CTNNA1: variants seen among roughly 807,000 people sequenced by gnomAD.
CTNNA1 encodes the protein catenin alpha 1, also known as catenin alpha-1.
A neutral mutation model predicts 98.4 loss-of-function variants in CTNNA1; 37 were observed. That is an observed-to-expected ratio of 0.38 (90% CI 0.29 to 0.49). The LOEUF is 0.49. Ranked by LOEUF, CTNNA1 falls within the 20% of genes least tolerant of loss-of-function variation. The pLI is 0.95. For synonymous variants in CTNNA1, 404 were observed against 413.2 expected (o/e 0.98, Z 0.27); for missense variants, 761 against 1,147.2 (o/e 0.66, Z 4.86).
chr5:138,776,185 C>G (rs1462606446), intron 1 of CTNNA1, among the ~76,000 whole-genome samples: 2 of 151,582 alleles, frequency 1.3e-5, no homozygotes, highest in Non-Finnish European at 2.9e-5. Context: ...TGCAGAGGAC[C>G]CTGCGGCCTT....
At chr5:138,779,121 C>G (rs1754750986) in intron 1 of CTNNA1, among the ~76,000 whole-genome samples, 1 of 152,128 alleles carries the variant, frequency 6.6e-6, no homozygotes, top group Admixed American at 6.6e-5. Flanking sequence ...TCAGGTGATC[C>G]ACCCACTTTG....
chr5:138,814,269 A>G (rs1171866358), intron 5 of CTNNA1, among the ~76,000 whole-genome samples: 1 of 145,204 alleles, frequency 6.9e-6, no homozygotes, highest in Non-Finnish European at 1.5e-5. Flanking sequence ...TTTTTTTGAG[A>G]TGGAGTTTCG....
intron 7 of CTNNA1, among the ~76,000 whole-genome samples, chr5:138,857,412 GCCA>G (rs1763821949): frequency 6.6e-6 from 1 of 152,072 alleles, no homozygotes; most frequent in South Asian, 2.1e-4. Flanking sequence ...TCTGTACCCA[GCCA>G]TATTGAAATC....
intron 5 of CTNNA1, among the ~76,000 whole-genome samples, chr5:138,821,395 CTTAT>C (rs1372538609): frequency 6.6e-6 from 1 of 152,134 alleles, no homozygotes; most frequent in African/African-American, 2.4e-5. Context: ...TGTAATGCTT[CTTAT>C]TTATTACCTA....
At position 138,907,979 on chromosome 5, in the gene CTNNA1, T is replaced by C. The variant is rs529717358; in HGVS notation, c.1389+3538T>C. 7.5e-5 allele frequency among the ~76,000 whole-genome samples: 11 copies of C among 146,060 alleles called. No homozygotes were observed. In the South Asian group the frequency reaches 1.5e-3, roughly 20 times the overall value. The stretch of plus-strand genomic sequence containing the variant: ...TGCCCCCCATCCGCCCTTTTTTTTT[T>C]CTTCTTCTTCTTCTTCGAGACAGAG... On this transcript the variant is annotated intron_variant, in intron 10 of 17. Transcript: ENST00000302763.
chr5:138,929,447 G>C, intron 14 of CTNNA1, 91 bp downstream of exon 14: 1 of 682,994 alleles, frequency 1.5e-6, no homozygotes, highest in Non-Finnish European at 2.6e-6. Context: ...TCAGTATTCA[G>C]AACACCGTTT....
At chr5:138,928,798 G>A (rs1284597700) in intron 13 of CTNNA1, among the ~76,000 whole-genome samples, 2 of 152,202 alleles carry the variant, frequency 1.3e-5, no homozygotes, top group East Asian at 3.9e-4. Flanking sequence ...GCCGGGCATG[G>A]TGGCATGTTG....
At chr5:138,801,282 A>G (rs1358318258) in intron 3 of CTNNA1, among the ~76,000 whole-genome samples, 1 of 152,214 alleles carries the variant, frequency 6.6e-6, no homozygotes, top group East Asian at 1.9e-4. Context: ...GTTTGTGTGC[A>G]TAAGTTTTGA....
chr5:138,804,091 T>G (rs13173618), intron 3 of CTNNA1, among the ~76,000 whole-genome samples: 31,148 of 152,196 alleles, frequency 0.2, 3,966 homozygotes, highest in Non-Finnish European at 0.29. Flanking sequence ...TCCTAGTGCT[T>G]GCTGCAAGGC....
intron 3 of CTNNA1, among the ~76,000 whole-genome samples, chr5:138,805,448 C>T (rs1757992757): frequency 6.6e-6 from 1 of 152,080 alleles, no homozygotes; most frequent in Non-Finnish European, 1.5e-5. Context: ...TTATAGCCAT[C>T]CTAACTAAGT....
chr5:138,932,067 TC>T (rs1765470968), intron 16 of CTNNA1: 1 of 985,754 alleles, frequency 1.0e-6, no homozygotes, highest in Non-Finnish European at 1.2e-6. Flanking sequence ...TCACTTGTCT[TC>T]CACCTCAGCC....
chr5:138,785,499 A>ACAAT (rs1465834019), intron 3 of CTNNA1, among the ~76,000 whole-genome samples: 1 of 129,186 alleles, frequency 7.7e-6, no homozygotes, highest in African/African-American at 3.0e-5. Flanking sequence ...AACGAAACTC[A>ACAAT]CAATCATATT....
intron 7 of CTNNA1, among the ~76,000 whole-genome samples, chr5:138,864,693 C>T (rs763929979): frequency 9.9e-5 from 15 of 152,218 alleles, no homozygotes; most frequent in African/African-American, 4.8e-5. Flanking sequence ...CAGTTATGTT[C>T]GATTGCTCTC....
chr5:138,922,800 G>A (rs555582804), intron 11 of CTNNA1, among the ~76,000 whole-genome samples: 5 of 152,242 alleles, frequency 3.3e-5, no homozygotes, highest in South Asian at 2.1e-4. Flanking sequence ...AGTGTTTCAT[G>A]AGGGTAGAGA....
intron 1 of CTNNA1, among the ~76,000 whole-genome samples, chr5:138,767,521 G>A (rs1440299853): frequency 6.6e-6 from 1 of 152,050 alleles, no homozygotes; most frequent in African/African-American, 2.4e-5. Flanking sequence ...GACTATTTGG[G>A]GACCGTCTTT....
chr5:138,835,812 G>A (rs1039788), intron 7 of CTNNA1, among the ~76,000 whole-genome samples: 105,040 of 151,904 alleles, frequency 0.69, 36,464 homozygotes, highest in East Asian at 0.93. Context: ...ATACAATACA[G>A]TGCTATTGAC....
chr5:138,888,547 GTTTTT>G (rs1462373610), intron 9 of CTNNA1, among the ~76,000 whole-genome samples: 1 of 151,938 alleles, frequency 6.6e-6, no homozygotes, highest in Non-Finnish European at 1.5e-5. Flanking sequence ...GTTTTGTTTT[GTTTTT>G]ATTTGTTTGT....
chr5:138,858,908 C>G (rs1182278416), intron 7 of CTNNA1, among the ~76,000 whole-genome samples: 1 of 152,156 alleles, frequency 6.6e-6, no homozygotes, highest in South Asian at 2.1e-4. Context: ...CTTTGGCTCT[C>G]TTGTAGTTCA....
chr5:138,924,286 T>TTG (rs1309824944), intron 11 of CTNNA1, among the ~76,000 whole-genome samples: 1 of 137,938 alleles, frequency 7.2e-6, no homozygotes, highest in Non-Finnish European at 1.6e-5. Flanking sequence ...TTTTTTGTTT[T>TTG]TTTTTTTTTA....
Sources: gnomAD v4.1 joint callset for allele counts (sites outside exome capture counted in the v4.1 genomes callset) on GRCh38, gnomAD v4.1.1 for gene constraint, MANE v1.5 for transcripts, NCBI Gene and HGNC (gene_info 2026-07-23, HGNC 2026-07-21) for gene names.